The following THRB variants were observed in gnomAD, a reference collection of about 807,000 sequenced individuals.
The protein encoded by THRB is nuclear receptor subfamily 1 group A member 2.
Under a neutral mutation model 47.8 loss-of-function variants are expected in THRB, and 12 were observed. The observed-to-expected ratio is 0.25, with a 90% confidence interval of 0.16 to 0.41. The LOEUF is 0.41. THRB is among the 10% of genes least tolerant of loss of function. THRB has a pLI of 1.00. For synonymous variants in THRB, 218 were observed against 212.2 expected, an observed-to-expected ratio of 1.03 and a Z score of -0.24; for missense variants, 348 against 589.2, an observed-to-expected ratio of 0.59 and a Z score of 4.24.
At position 24,281,087 on chromosome 3, in the gene THRB, C is replaced by T. The variant is rs922624759; in HGVS notation, c.-43+16139G>A. ...GTTCAGATTCAGGAAATACAGAGAA[C>T]GCCACAAAGATACTCCTCGAGAAGA... On this transcript the variant is annotated intron_variant, in intron 3 of 10. Coordinates refer to ENST00000646209, the MANE Select transcript of THRB (RefSeq NM_001354712.2). Among the ~76,000 whole-genome samples the T allele has an allele frequency of 4.1e-3, 618 of 152,000 alleles. 1 individual carries two copies. Among genetic ancestry groups the T allele is most frequent in the African/African-American group, 0.014 (568 of 41,408 alleles).
chr3:24,317,157 T>C (rs1244861562), intron 2 of THRB, among the ~76,000 whole-genome samples: 1 of 152,132 alleles, frequency 6.6e-6, no homozygotes, highest in Non-Finnish European at 1.5e-5. Context: ...CCGCATAGTA[T>C]GGGGTCTGTA....
rs546602288 is a variant in THRB at position 24,484,966 on chromosome 3, GCATT to G, written c.-261+9682_-261+9685del. On this transcript the variant is annotated intron_variant, in intron 1 of 10. Coordinates refer to ENST00000646209, the MANE Select transcript of THRB (RefSeq NM_001354712.2). Reference sequence around the variant, plus strand: ...TATTTCCATAATGCCACCCATTCCTGCATTCATTCATTCATTCATTATCTTCATC... The same window carrying G: ...TATTTCCATAATGCCACCCATTCCTGCATTCATTCATTCATTATCTTCATC... Among the ~76,000 whole-genome samples the G allele has an allele frequency of 1.4e-3, 218 of 152,112 alleles. 1 individual carries two copies. Among genetic ancestry groups the G allele is most frequent in the Non-Finnish European group, 2.1e-3 (141 of 67,978 alleles).
rs561916854 is a variant in THRB, at chr3:24,201,364, T to C, written c.23-11030A>G. ...CCTCCATGCTCAAATGGCTTGTGAA[T>C]ATCTACGGCCCTGTTACTCAAAGTG... On this transcript the variant is annotated intron_variant, in intron 4 of 10. Coordinates refer to ENST00000646209, the MANE Select transcript of THRB (RefSeq NM_001354712.2). Among the ~76,000 whole-genome samples the C allele has an allele frequency of 6.6e-5, 10 of 152,236 alleles. No individual in the cohort carries two copies. In the East Asian group the frequency reaches 1.9e-3, roughly 29 times the overall value.
At chr3:24,232,993 G>T (rs540229257) in intron 3 of THRB, among the ~76,000 whole-genome samples, 1 of 152,246 alleles carries the variant, frequency 6.6e-6, no homozygotes, top group East Asian at 1.9e-4. Flanking sequence ...TGTGCCAAGG[G>T]GTGGTGCTGA....
intron 9 of THRB, 127 bp from the exon 10 acceptor site, chr3:24,127,884 C>T: frequency 8.9e-7 from 1 of 1,120,094 alleles, no homozygotes; most frequent in Non-Finnish European, 1.3e-6. Flanking sequence ...TTCTTTGAGC[C>T]CATGGTTTTC....
intron 1 of THRB, among the ~76,000 whole-genome samples, chr3:24,493,899 G>A (rs1483886166): frequency 6.6e-6 from 1 of 152,222 alleles, no homozygotes; most frequent in Non-Finnish European, 1.5e-5. Context: ...AATCCACTAA[G>A]AATGAAAATT....
At chr3:24,332,743 G>C (rs933679579) in intron 2 of THRB, among the ~76,000 whole-genome samples, 4 of 152,110 alleles carry the variant, frequency 2.6e-5, no homozygotes, top group African/African-American at 9.7e-5. Context: ...GAAACATTTG[G>C]GGAAAGGAAA....
chr3:24,340,714 A>C (rs965320082), intron 1 of THRB, among the ~76,000 whole-genome samples: 2 of 152,186 alleles, frequency 1.3e-5, no homozygotes, highest in Admixed American at 1.3e-4. Flanking sequence ...CACATTTTAC[A>C]TTGTGATTGT....
In THRB at chr3:24,124,847, C is replaced by G. The variant is rs560255544; in HGVS notation, c.1145-1722G>C. On this transcript the variant is annotated intron_variant, in intron 10 of 10. Coordinates refer to ENST00000646209, the MANE Select transcript of THRB (RefSeq NM_001354712.2). ...ACTTGGGGCCCTGACACGCAGCTAT[C>G]ATTTGCCAAATGCACAATGTCTTGT... 5.8e-4 allele frequency among the ~76,000 whole-genome samples: 88 copies of G among 152,306 alleles called. 1 individual carries two copies. In the South Asian group the frequency reaches 0.018, roughly 31 times the overall value.
intron 1 of THRB, among the ~76,000 whole-genome samples, chr3:24,350,420 T>C (rs947317007): frequency 5.3e-5 from 8 of 152,120 alleles, no homozygotes; most frequent in Admixed American, 2.6e-4. Context: ...GCTCTTTGCA[T>C]AATAATGAAA....
At chr3:24,188,911 C>T (rs1177333385) in intron 5 of THRB, among the ~76,000 whole-genome samples, 2 of 114,228 alleles carry the variant, frequency 1.8e-5, no homozygotes, top group African/African-American at 4.2e-5. Flanking sequence ...AAATACAAAC[C>T]TTTCCAAAGG....
At chr3:24,145,259 C>T (rs190225946) in intron 7 of THRB, among the ~76,000 whole-genome samples, 7 of 152,010 alleles carry the variant, frequency 4.6e-5, no homozygotes, top group Admixed American at 3.3e-4. Flanking sequence ...AGCTTAATTC[C>T]AAAGGTCACA....
chr3:24,303,594 G>A (rs994242749), intron 2 of THRB, among the ~76,000 whole-genome samples: 38 of 152,262 alleles, frequency 2.5e-4, no homozygotes, highest in African/African-American at 8.4e-4. Flanking sequence ...CCCACTGTGA[G>A]CTACACATGT....
intron 4 of THRB, among the ~76,000 whole-genome samples, chr3:24,199,109 G>A (rs914389420): frequency 5.9e-5 from 9 of 152,252 alleles, no homozygotes; most frequent in Non-Finnish European, 1.3e-4. Flanking sequence ...GATAGCATCC[G>A]AAAGTACTTT....
chr3:24,151,206 A>G (rs780547764), intron 6 of THRB, among the ~76,000 whole-genome samples: 10 of 152,200 alleles, frequency 6.6e-5, no homozygotes, highest in Non-Finnish European at 1.3e-4. Context: ...TTATCTCAAC[A>G]TTTTTAGCAG....
chr3:24,176,142 T>C (rs982525066), intron 5 of THRB, among the ~76,000 whole-genome samples: 1 of 152,124 alleles, frequency 6.6e-6, no homozygotes, highest in African/African-American at 2.4e-5. Context: ...CTTATATCTC[T>C]AGAAAAAAAT....
intron 6 of THRB, among the ~76,000 whole-genome samples, chr3:24,151,422 G>C (rs554250692): frequency 6.6e-6 from 1 of 152,196 alleles, no homozygotes; most frequent in East Asian, 1.9e-4. Context: ...GAGAGAGGAG[G>C]GAAGGTGAAA....
chr3:24,330,295 C>T (rs1294280847), intron 2 of THRB, among the ~76,000 whole-genome samples: 1 of 151,668 alleles, frequency 6.6e-6, no homozygotes, highest in Non-Finnish European at 1.5e-5. Flanking sequence ...GCCTGGGCGA[C>T]AGAGCGAGAC....
Position 24,256,314 on chromosome 3 carries a change from G to T in THRB, c.-42-27313C>A, listed in dbSNP as rs1032219792. ...AAGAGGGCCTGAAGCCAGACAGATG[G>T]AGTTGAAGAGTAAATGGGAGATAAG... On this transcript the variant is annotated intron_variant, in intron 3 of 10. Transcript: ENST00000646209. Among the ~76,000 whole-genome samples, 15 of 152,080 alleles carry T rather than the reference G, an allele frequency of 9.9e-5. 1 individual carries two copies. The highest frequency in any genetic ancestry group is 3.1e-4 in the African/African-American group (13 of 41,406).
Sources: gnomAD v4.1 joint callset for allele counts (sites outside exome capture counted in the v4.1 genomes callset) on GRCh38, gnomAD v4.1.1 for gene constraint, MANE v1.5 for transcripts, NCBI Gene and HGNC (gene_info 2026-07-23, HGNC 2026-07-21) for gene names.